DHX36: variants seen among roughly 807,000 people sequenced by gnomAD.
DHX36 encodes ATP-dependent DNA/RNA helicase DHX36.
A neutral mutation model predicts 139.0 loss-of-function variants in DHX36; 50 were observed. The ratio of observed to expected loss-of-function variants is 0.36; its 90% CI spans 0.29 to 0.46. The LOEUF (loss-of-function observed/expected upper bound fraction) is 0.46. DHX36 is among the 20% of genes least tolerant of loss of function. The pLI is 1.00. For synonymous variants in DHX36, 425 were observed against 401.9 expected, an observed-to-expected ratio of 1.06 and a Z score of -0.69; for missense variants, 1,024 against 1,211.3, an observed-to-expected ratio of 0.85 and a Z score of 2.29.
intron 9 of DHX36, 102 bp downstream of exon 9, chr3:154,303,227 C>T: frequency 1.2e-6 from 1 of 816,710 alleles, no homozygotes; most frequent in Non-Finnish European, 1.9e-6. Flanking sequence ...AAATGTTTTA[C>T]AAGGAAATAG....
intron 6 of DHX36, chr3:154,305,431 T>C: frequency 3.2e-6 from 1 of 313,300 alleles, no homozygotes; most frequent in Non-Finnish European, 5.9e-6. Context: ...ACAACTGAAT[T>C]ACTTATGGGG....
rs1559946798 is a variant in DHX36, at chr3:154,286,177, A to AC, written c.2032-1191_2032-1190insG. Among the ~76,000 whole-genome samples the AC allele has an allele frequency of 4.2e-4, 54 of 128,288 alleles. 2 individuals are homozygous for AC. Among genetic ancestry groups the AC allele is most frequent in the East Asian group, 6.7e-4 (3 of 4,452 alleles). The allele number at this position is 128,288 out of a possible 152,430, so 84.2% of individuals were successfully genotyped here. Reference sequence around the variant, plus strand: ...GAGCTTCCACACACCAAAAAAAAAAAAAAAAAAAAAAAAAACACCAACAAA... The same window carrying AC: ...GAGCTTCCACACACCAAAAAAAAAAACAAAAAAAAAAAAAAACACCAACAAA... On this transcript the variant is annotated intron_variant, in intron 17 of 24. Coordinates refer to ENST00000496811, the MANE Select transcript of DHX36 (RefSeq NM_020865.3).
chr3:154,298,846 A>T (rs355765), intron 12 of DHX36, among the ~76,000 whole-genome samples: 1 of 152,160 alleles, frequency 6.6e-6, no homozygotes, highest in African/African-American at 2.4e-5. Flanking sequence ...CCTGGAAGGT[A>T]GAGGTTGCAG....
intron 24 of DHX36, 131 bp from the exon 25 acceptor site, chr3:154,276,487 C>CA: frequency 1.1e-6 from 1 of 902,080 alleles, no homozygotes; most frequent in East Asian, 2.7e-5. Flanking sequence ...ATTTAGTGAG[C>CA]AATCAACTAA....
chr3:154,276,759 G>T lies in DHX36; in HGVS notation c.2829C>A (p.Ala943=). The T allele has an allele frequency of 3.7e-6, 6 of 1,613,612 alleles. No homozygotes were observed. The South Asian group carries it at 6.6e-5, about 18-fold the overall frequency. ...TAAAGTCAGTCACCTTAACAAGATG[G>T]GCAATTCTTGCTGGAGACTGAAATA... ...WIVFQSPARI[A]HLVKELRKEL... is the part of the protein sequence containing the mutation. Residue 943 remains alanine (A), a synonymous_variant, in exon 24 of 25, where the codon GCC becomes GCA. Transcript: ENST00000496811.
At chr3:154,300,829 T>C (rs1034409198) in intron 10 of DHX36, 133 bp from the exon 11 acceptor site, 10 of 1,267,992 alleles carry the variant, frequency 7.9e-6, no homozygotes, top group South Asian at 1.3e-5. Flanking sequence ...ACTGGGGTAA[T>C]TACTGCTTAA....
At chr3:154,292,077 T>C (rs961676126) in intron 15 of DHX36, among the ~76,000 whole-genome samples, 8 of 152,206 alleles carry the variant, frequency 5.3e-5, no homozygotes, top group African/African-American at 1.9e-4. Context: ...ATCCTGGCTC[T>C]GTAATTTAGA....
intron 19 of DHX36, among the ~76,000 whole-genome samples, chr3:154,284,084 AC>A (rs1468306489): frequency 6.6e-6 from 1 of 152,232 alleles, no homozygotes; most frequent in Non-Finnish European, 1.5e-5. Context: ...ATGAACTATT[AC>A]AAAATTAAAA....
At chr3:154,288,698 C>T (rs530212542) in intron 17 of DHX36, among the ~76,000 whole-genome samples, 168 bp downstream of exon 17, 1 of 152,080 alleles carries the variant, frequency 6.6e-6, no homozygotes. Context: ...CTTTCTAATG[C>T]CTATCTCATA....
At chr3:154,311,351 T>G (rs1316690207) in intron 4 of DHX36, among the ~76,000 whole-genome samples, 1 of 152,094 alleles carries the variant, frequency 6.6e-6, no homozygotes, top group Admixed American at 6.5e-5. Context: ...TATTTGGTCT[T>G]GACTTAACTG....
At chr3:154,292,815 T>A (rs1711879338) in intron 14 of DHX36, 121 bp from the exon 15 acceptor site, 1 of 1,423,510 alleles carries the variant, frequency 7.0e-7, no homozygotes, top group Non-Finnish European at 9.2e-7. Context: ...TCAGAGCATT[T>A]TTTTTTTATT....
At chr3:154,314,553 C>G (rs1712889403) in intron 3 of DHX36, 1 of 152,782 alleles carries the variant, frequency 6.5e-6, no homozygotes, top group South Asian at 2.1e-4. Flanking sequence ...CTTAAAATAT[C>G]TTGCCTAGCA....
chr3:154,304,048 T>TA (rs1279240129), intron 8 of DHX36, among the ~76,000 whole-genome samples: 1 of 152,184 alleles, frequency 6.6e-6, no homozygotes, highest in Non-Finnish European at 1.5e-5. Context: ...TACTCAATGT[T>TA]AGTTCTAGAA....
chr3:154,294,674 T>A (rs1711960884), intron 13 of DHX36, among the ~76,000 whole-genome samples: 1 of 152,168 alleles, frequency 6.6e-6, no homozygotes, highest in African/African-American at 2.4e-5. Context: ...AGTATCTTGA[T>A]ATTTTCTTAT....
intron 22 of DHX36, chr3:154,279,844 T>C (rs1398321666): frequency 6.6e-6 from 1 of 152,228 alleles, no homozygotes; most frequent in Non-Finnish European, 1.5e-5. Flanking sequence ...TGCCCACCTA[T>C]GGAGATGCAT....
chr3:154,285,490 A>C (rs1711517497), intron 17 of DHX36, among the ~76,000 whole-genome samples: 2 of 152,210 alleles, frequency 1.3e-5, no homozygotes, highest in African/African-American at 4.8e-5. Context: ...CAGCTAGAAA[A>C]GTAGCCTGAA....
intron 17 of DHX36, among the ~76,000 whole-genome samples, chr3:154,285,708 T>C (rs1204423327): frequency 6.6e-6 from 1 of 152,030 alleles, no homozygotes; most frequent in Non-Finnish European, 1.5e-5. Context: ...TTAAAATAAC[T>C]AGGCATATAG....
At chr3:154,312,782 C>T (rs1376001987) in intron 3 of DHX36, among the ~76,000 whole-genome samples, 1 of 142,256 alleles carries the variant, frequency 7.0e-6, no homozygotes, top group African/African-American at 2.6e-5. Context: ...GAGCCGAGAT[C>T]GTGCCACGGC....
chr3:154,275,978 G>GTATATATA lies in DHX36; in HGVS notation c.*185_*192dup, dbSNP rs35550732. The GTATATATA allele has an allele frequency of 9.6e-6, 3 of 311,344 alleles. No individual in the cohort carries two copies. Among genetic ancestry groups the GTATATATA allele is most frequent in the Admixed American group, 4.9e-5 (1 of 20,388 alleles). The allele number at this position is 311,344 out of a possible 1,614,324, so 19.3% of individuals were successfully genotyped here. A position where few individuals can be genotyped will look rare whatever the true frequency, so the allele number is the denominator to read the frequency against. Reference sequence around the variant, plus strand: ...GATCAGAGAACATATTGCTTTTATGGTATATATATATATATATATATATCT... The same window carrying GTATATATA: ...GATCAGAGAACATATTGCTTTTATGGTATATATATATATATATATATATATATATATCT... On this transcript the variant is annotated 3_prime_UTR_variant, in exon 25 of 25. Transcript: ENST00000496811.
Sources: gnomAD v4.1 joint callset for allele counts (sites outside exome capture counted in the v4.1 genomes callset) on GRCh38, gnomAD v4.1.1 for gene constraint, MANE v1.5 for transcripts, NCBI Gene and HGNC (gene_info 2026-07-23, HGNC 2026-07-21) for gene names.